KSR1: variants seen among roughly 807,000 people sequenced by gnomAD.
KSR1 encodes the protein kinase suppressor of ras 1.
Under a neutral mutation model 92.9 loss-of-function variants are expected in KSR1, and 35 were observed. The ratio of observed to expected loss-of-function variants is 0.38; its 90% CI spans 0.29 to 0.50. The LOEUF is 0.50. Among genes scored for constraint, KSR1 ranks in the 20% least tolerant of loss-of-function variants. The probability of loss-of-function intolerance (pLI) is 0.94; values close to 1 mark genes in which losing one functional copy is unlikely to be tolerated. For synonymous variants in KSR1, 467 were observed against 472.6 expected (o/e 0.99, Z 0.15); for missense variants, 972 against 1,158.5 (o/e 0.84, Z 2.34).
chr17:27,566,952 G>T (rs2072098973), intron 2 of KSR1, among the ~76,000 whole-genome samples: 1 of 152,148 alleles, frequency 6.6e-6, no homozygotes, highest in African/African-American at 2.4e-5. Context: ...AGGCCAGGGA[G>T]GCCGATGGTT....
At chr17:27,613,545 C>T (rs2073978756) in intron 18 of KSR1, among the ~76,000 whole-genome samples, 1 of 152,144 alleles carries the variant, frequency 6.6e-6, no homozygotes, top group Non-Finnish European at 1.5e-5. Flanking sequence ...CCACCCTATT[C>T]CCCCAGTGCA....
At position 27,559,652 on chromosome 17, in the gene KSR1, T is replaced by G. The variant is rs1050457779; in HGVS notation, c.372+8944T>G. Reference sequence around the variant, plus strand: ...ACACAGACTGGGGTGAAACAGGAAGTGAGAGCCCCAGATGCCCTGATGGCT... The same window carrying G: ...ACACAGACTGGGGTGAAACAGGAAGGGAGAGCCCCAGATGCCCTGATGGCT... On this transcript the variant is annotated intron_variant, in intron 2 of 20. Coordinates refer to ENST00000644974, the MANE Select transcript of KSR1 (RefSeq NM_001394583.1). The surrounding 1 kb of genome is among the most constrained non-coding windows in gnomAD (Gnocchi z 4.2). Among the ~76,000 whole-genome samples the G allele has an allele frequency of 6.6e-6, 1 of 152,216 alleles. No homozygotes were observed. Among genetic ancestry groups the G allele is most frequent in the African/African-American group, 2.4e-5 (1 of 41,454 alleles).
In KSR1 at chr17:27,622,367, C is replaced by T. The variant is rs922567912; in HGVS notation, c.2709-947C>T. 4.0e-5 allele frequency: 7 copies of T among 176,762 alleles called. No homozygotes were observed. In the East Asian group the frequency reaches 1.0e-3, roughly 26 times the overall value. The allele number at this position is 176,762 out of a possible 1,614,324, so 10.9% of individuals were successfully genotyped here. The stretch of plus-strand genomic sequence containing the variant: ...GGGTGTGTGCCTAGTGCGGGGCGGG[C>T]GGAGGTTGGGAGGGTGTTGGCTTGG... On this transcript the variant is annotated intron_variant, in intron 20 of 20. Coordinates refer to ENST00000644974, the MANE Select transcript of KSR1 (RefSeq NM_001394583.1).
intron 2 of KSR1, among the ~76,000 whole-genome samples, chr17:27,563,290 C>T (rs982678391): frequency 2.2e-4 from 34 of 151,940 alleles, no homozygotes; most frequent in African/African-American, 8.2e-4. Flanking sequence ...TTTTCCTTTT[C>T]TGTTTTTTTG....
intron 14 of KSR1, among the ~76,000 whole-genome samples, chr17:27,607,700 T>C (rs2073798191): frequency 6.6e-6 from 1 of 152,138 alleles, no homozygotes; most frequent in Admixed American, 6.6e-5. Flanking sequence ...TGGGGGTTTG[T>C]GTGCGTGTAC....
intron 1 of KSR1, among the ~76,000 whole-genome samples, chr17:27,511,370 AGT>A (rs1318469096): frequency 5.9e-5 from 9 of 151,868 alleles, no homozygotes; most frequent in African/African-American, 2.2e-4. Flanking sequence ...AGGCTGGGAG[AGT>A]GTGGAGGGTG....
At chr17:27,465,161 G>T (rs2019631278) in intron 1 of KSR1, 1 of 152,144 alleles carries the variant, frequency 6.6e-6, no homozygotes, top group Non-Finnish European at 1.5e-5. Context: ...AGGCACAGCT[G>T]TTTGTCATTT....
chr17:27,489,534 T>G (rs1242837189), intron 1 of KSR1, among the ~76,000 whole-genome samples: 2 of 152,316 alleles, frequency 1.3e-5, no homozygotes, highest in Middle Eastern at 3.4e-3. Context: ...TCATCCCCTC[T>G]TTAGACTACA....
At chr17:27,501,690 G>A (rs1193869264) in intron 1 of KSR1, among the ~76,000 whole-genome samples, 1 of 152,140 alleles carries the variant, frequency 6.6e-6, no homozygotes, top group Non-Finnish European at 1.5e-5. Flanking sequence ...GTAGAGATGG[G>A]GTTTCACCAT....
At chr17:27,579,443 G>A (rs544371328) in intron 3 of KSR1, 26 of 152,364 alleles carry the variant, frequency 1.7e-4, no homozygotes, top group Admixed American at 4.6e-4. Flanking sequence ...CTCTCTCAGG[G>A]TTGTTGTGAA....
At chr17:27,501,297 T>C (rs2069178421) in intron 1 of KSR1, among the ~76,000 whole-genome samples, 3 of 128,236 alleles carry the variant, frequency 2.3e-5, no homozygotes, top group Non-Finnish European at 4.8e-5. Context: ...TTCTTCTTTT[T>C]TTTTTTTTTT....
chr17:27,593,671 C>T (rs1598105328), intron 9 of KSR1, among the ~76,000 whole-genome samples: 2 of 152,164 alleles, frequency 1.3e-5, no homozygotes, highest in African/African-American at 4.8e-5. Context: ...TCCTGCCTCT[C>T]GTTTCCCTCT....
intron 1 of KSR1, among the ~76,000 whole-genome samples, chr17:27,533,676 C>G (rs1004755962): frequency 6.6e-6 from 1 of 152,242 alleles, no homozygotes; most frequent in African/African-American, 2.4e-5. Flanking sequence ...GCCCCCGCAC[C>G]CAGCCGCAAC....
chr17:27,567,230 A>G (rs1047567376), intron 2 of KSR1, among the ~76,000 whole-genome samples: 1 of 152,212 alleles, frequency 6.6e-6, no homozygotes, highest in Non-Finnish European at 1.5e-5. Context: ...AGTGGGTCTC[A>G]GGACCTGGGC....
chr17:27,543,130 G>T (rs1160690438), intron 1 of KSR1, among the ~76,000 whole-genome samples: 1 of 152,220 alleles, frequency 6.6e-6, no homozygotes, highest in African/African-American at 2.4e-5. Context: ...TGTGGAAGCC[G>T]CCCGTGGGAG....
chr17:27,488,735 G>A (rs920900502), intron 1 of KSR1, among the ~76,000 whole-genome samples: 7 of 152,194 alleles, frequency 4.6e-5, no homozygotes, highest in Non-Finnish European at 1.0e-4. Context: ...GGAGGCCGAG[G>A]CAGGTGGATC....
intron 1 of KSR1, among the ~76,000 whole-genome samples, chr17:27,531,243 T>C (rs929695955): frequency 5.9e-5 from 9 of 152,242 alleles, no homozygotes; most frequent in African/African-American, 2.2e-4. Flanking sequence ...AAGCTCAAGA[T>C]GTTGAACCTC....
chr17:27,564,392 A>G (rs2071973335), intron 2 of KSR1, among the ~76,000 whole-genome samples: 1 of 152,228 alleles, frequency 6.6e-6, no homozygotes, highest in South Asian at 2.1e-4. Context: ...TCGAAGTTAT[A>G]TTCTTCTATT....
intron 9 of KSR1, among the ~76,000 whole-genome samples, chr17:27,596,065 T>C (rs1384587358): frequency 4.0e-5 from 6 of 148,578 alleles, no homozygotes; most frequent in African/African-American, 1.5e-4. Flanking sequence ...CCACCTGGGC[T>C]AATACTTACT....
Sources: gnomAD v4.1 joint callset for allele counts (sites outside exome capture counted in the v4.1 genomes callset) on GRCh38, gnomAD v4.1.1 for gene constraint, Gnocchi (gnomAD v3.1) non-coding constraint, MANE v1.5 for transcripts, NCBI Gene and HGNC (gene_info 2026-07-23, HGNC 2026-07-21) for gene names.